ASB14: variants seen among roughly 807,000 people sequenced by gnomAD.
ASB14 encodes ankyrin repeat and SOCS box containing 14.
Under a neutral mutation model 55.6 loss-of-function variants are expected in ASB14, and 63 were observed. The ratio of observed to expected loss-of-function variants is 1.13; its 90% confidence interval spans 0.92 to 1.40. ASB14 has a LOEUF of 1.40. Among genes scored for constraint, ASB14 ranks in the 40% most tolerant of loss-of-function variants. ASB14 has a pLI of 0.00. For missense variants in ASB14, 724 were observed against 710.4 expected (o/e 1.02, Z -0.22); for synonymous variants, 256 against 259.9 (o/e 0.98, Z 0.15).
At chr3:57,292,447 A>G (rs967634838) in intron 1 of ASB14, among the ~76,000 whole-genome samples, 186 bp downstream of exon 1, 1 of 152,212 alleles carries the variant, frequency 6.6e-6, no homozygotes, top group African/African-American at 2.4e-5. Flanking sequence ...TGCTGAAAAT[A>G]ATATTTTACT....
intron 10 of ASB14, among the ~76,000 whole-genome samples, chr3:57,274,345 G>C (rs951129147): frequency 6.6e-6 from 1 of 152,190 alleles, no homozygotes; most frequent in East Asian, 1.9e-4. Context: ...ATGGTTGAAT[G>C]AATGTCTTTT....
intron 8 of ASB14, 92 bp from the exon 9 acceptor site, chr3:57,278,012 G>A: frequency 1.7e-6 from 2 of 1,181,818 alleles, no homozygotes; most frequent in Middle Eastern, 2.0e-4. Context: ...GTGGTGTGAT[G>A]AAAGCCAAGA....
chr3:57,290,407 C>T (rs1036220159), intron 2 of ASB14, among the ~76,000 whole-genome samples: 1 of 152,200 alleles, frequency 6.6e-6, no homozygotes, highest in African/African-American at 2.4e-5. Flanking sequence ...CTCTTTCACA[C>T]TTAAAGATCC....
intron 10 of ASB14, among the ~76,000 whole-genome samples, chr3:57,274,082 T>TTAATG (rs1162988774): frequency 1.3e-5 from 2 of 152,174 alleles, no homozygotes; most frequent in African/African-American, 2.4e-5. Context: ...TATAAATTTT[T>TTAATG]TAATGTAAAA....
intron 9 of ASB14, among the ~76,000 whole-genome samples, chr3:57,276,998 G>C (rs974933867): frequency 2.0e-5 from 3 of 152,160 alleles, no homozygotes; most frequent in Non-Finnish European, 2.9e-5. Flanking sequence ...AGGCGGGGTG[G>C]CTCATGCCTG....
chr3:57,268,569 C>T lies in ASB14; in HGVS notation c.*1072G>A. ...ACTATGACTTTCAGATTTGAATTTC[C>T]AAATGAAGGGCTGTTTCTGCTTGTT... On this transcript the variant is annotated 3_prime_UTR_variant, in exon 11 of 11. Coordinates refer to ENST00000487349, the MANE Select transcript of ASB14 (RefSeq NM_001142733.3). The T allele has an allele frequency of 6.9e-7, 1 of 1,439,266 alleles. No homozygotes were observed. Among genetic ancestry groups the T allele is most frequent in the Non-Finnish European group, 9.2e-7 (1 of 1,090,026 alleles). 89.2% of individuals were successfully genotyped at this position (1,439,266 alleles called of 1,614,324 possible).
chr3:57,284,171 G>A (rs1228314398), intron 5 of ASB14, among the ~76,000 whole-genome samples: 1 of 143,636 alleles, frequency 7.0e-6, no homozygotes, highest in Non-Finnish European at 1.5e-5. Context: ...CTGTCATCCA[G>A]GCTGAAGTGC....
At chr3:57,288,981 G>A (rs922835855) in intron 3 of ASB14, 87 bp downstream of exon 3, 1 of 1,073,960 alleles carries the variant, frequency 9.3e-7, no homozygotes, top group South Asian at 1.4e-5. Flanking sequence ...GCCTCCCAAA[G>A]TACTGGGATT....
At chr3:57,284,122 G>GTGTGTA (rs945228754) in intron 5 of ASB14, among the ~76,000 whole-genome samples, 2 of 150,708 alleles carry the variant, frequency 1.3e-5, no homozygotes, top group South Asian at 2.1e-4. Context: ...GTGTGTGTGT[G>GTGTGTA]TGTATGTATG....
At chr3:57,284,442 C>CT (rs2061064804) in intron 5 of ASB14, among the ~76,000 whole-genome samples, 1 of 152,212 alleles carries the variant, frequency 6.6e-6, no homozygotes, top group Non-Finnish European at 1.5e-5. Flanking sequence ...ACTATATATT[C>CT]TATCACCCTC....
At position 57,288,215 on chromosome 3, in the gene ASB14, T is replaced by G. The variant is rs1260543992; in HGVS notation, c.250A>C (p.Ile84Leu). Residue 84 changes from isoleucine (I) to leucine (L), a missense_variant, in exon 4 of 11, where the codon ATT (isoleucine) becomes CTT (leucine). By Grantham distance (5) the Ile-to-Leu change is conservative (BLOSUM62 2). Coordinates refer to ENST00000487349, the MANE Select transcript of ASB14 (RefSeq NM_001142733.3). Reference protein sequence around the residue: ...AFGEADEIGWIPLHKAAVQLN... With the variant: ...AFGEADEIGWLPLHKAAVQLN... ...TGCACTGCAGCCTTATGCAGAGGAA[T>G]CCAGCCTATCTCATCTGCTTCACCA... is the stretch of plus-strand genomic sequence containing the variant. 3.3e-6 allele frequency: 5 copies of G among 1,536,636 alleles called. No individual in the cohort carries two copies. In the Admixed American group the frequency reaches 9.8e-5, roughly 30 times the overall value.
intron 9 of ASB14, among the ~76,000 whole-genome samples, 168 bp from the exon 10 acceptor site, chr3:57,276,896 G>C (rs1354677070): frequency 6.6e-6 from 1 of 152,090 alleles, no homozygotes; most frequent in Non-Finnish European, 1.5e-5. Context: ...TGTAGATATG[G>C]TTCCAGAGCC....
chr3:57,278,704 G>A lies in ASB14; in HGVS notation c.1104C>T (p.Asp368=). 6.2e-7 allele frequency: 1 copy of A among 1,614,108 alleles called. No homozygotes were observed. The highest frequency in any genetic ancestry group is 8.5e-7 in the Non-Finnish European group (1 of 1,180,022). The part of the protein sequence containing the change: ...SALYFAVSNS[D]LSSVKLLLSA... ...TCAGAAGCAGCTTGACTGAAGAGAG[G>A]TCACTGTTTGATACAGCAAAATACA... is the stretch of plus-strand genomic sequence containing the variant. Residue 368 remains aspartate, a synonymous_variant, in exon 8 of 11, where the codon GAC becomes GAT. Coordinates refer to ENST00000487349, the MANE Select transcript of ASB14 (RefSeq NM_001142733.3).
intron 5 of ASB14, among the ~76,000 whole-genome samples, chr3:57,284,610 G>A (rs904653175): frequency 1.6e-4 from 24 of 152,350 alleles, no homozygotes; most frequent in African/African-American, 5.5e-4. Context: ...CAGATAGGCT[G>A]AAGTGAAGAG....
chr3:57,291,768 CATA>C, intron 2 of ASB14, 141 bp downstream of exon 2: 3 of 615,932 alleles, frequency 4.9e-6, no homozygotes, highest in Non-Finnish European at 7.7e-6. Flanking sequence ...TCTAGTTAGG[CATA>C]ATATCTTACA....
chr3:57,269,668 AG>A, intron 10 of ASB14, 50 bp from the exon 11 acceptor site: 3 of 1,614,102 alleles, frequency 1.9e-6, no homozygotes, highest in Non-Finnish European at 2.5e-6. Flanking sequence ...GGAGGAAAGA[AG>A]AGAGAATCAG....
intron 5 of ASB14, among the ~76,000 whole-genome samples, chr3:57,284,803 C>T (rs2061067866): frequency 6.6e-6 from 1 of 152,200 alleles, no homozygotes; most frequent in African/African-American, 2.4e-5. Context: ...TTTATGCGTG[C>T]TTTCTCAGAG....
intron 6 of ASB14, among the ~76,000 whole-genome samples, chr3:57,281,885 C>T (rs1221021070): frequency 6.6e-6 from 1 of 152,124 alleles, no homozygotes; most frequent in Non-Finnish European, 1.5e-5. Flanking sequence ...GAAATACTGG[C>T]TCTGTGATGT....
rs1408031465 is a variant in ASB14, at chr3:57,269,617, T to A, written c.*24A>T. 6 of 1,614,002 alleles carry A rather than the reference T, an allele frequency of 3.7e-6. No individual in the cohort carries two copies. Among genetic ancestry groups the A allele is most frequent in the African/African-American group, 2.7e-5 (2 of 74,926 alleles). On this transcript the variant is annotated splice_region_variant and 3_prime_UTR_variant, in exon 11 of 11. Coordinates refer to ENST00000487349, the MANE Select transcript of ASB14 (RefSeq NM_001142733.3). Reference sequence around the variant, plus strand: ...GCCAGTAGTGAGGGGCAGTTTGTTGTCCTTAGCAGTAGCCAGTCAGAAGAG... The same window carrying A: ...GCCAGTAGTGAGGGGCAGTTTGTTGACCTTAGCAGTAGCCAGTCAGAAGAG...
Sources: gnomAD v4.1 joint callset for allele counts (sites outside exome capture counted in the v4.1 genomes callset) on GRCh38, gnomAD v4.1.1 for gene constraint, MANE v1.5 for transcripts, NCBI Gene and HGNC (gene_info 2026-07-23, HGNC 2026-07-21) for gene names.